SVIL: variants seen among roughly 807,000 people sequenced by gnomAD.
The protein encoded by SVIL is archvillin.
In SVIL, 101 loss-of-function variants were observed where a neutral mutation model predicts 240.4. The ratio of observed to expected loss-of-function variants is 0.42; its 90% CI spans 0.36 to 0.50. The LOEUF is 0.50. Ranked by LOEUF, SVIL falls within the 20% of genes least tolerant of loss-of-function variation. The pLI, the probability that SVIL is intolerant of heterozygous loss-of-function variation, is 0.01. For missense variants in SVIL, 2,512 were observed against 2,818.7 expected (o/e 0.89, Z 2.46); for synonymous variants, 999 against 1,100.0 (o/e 0.91, Z 1.82).
At chr10:29,629,828 T>A (rs1355743164) in intron 1 of SVIL, among the ~76,000 whole-genome samples, 2 of 147,674 alleles carry the variant, frequency 1.4e-5, no homozygotes, top group South Asian at 2.2e-4. Flanking sequence ...TTTTTTTTTT[T>A]AATTAGCTGG....
chr10:29,480,851 T>C, intron 28 of SVIL, 38 bp from the exon 29 acceptor site: 22 of 1,577,148 alleles, frequency 1.4e-5, no homozygotes, highest in Non-Finnish European at 1.9e-5. Flanking sequence ...CAGTTGCCTG[T>C]TTCTGCAGCT....
intron 1 of SVIL, among the ~76,000 whole-genome samples, chr10:29,633,419 C>T (rs1441398057): frequency 6.6e-6 from 1 of 152,038 alleles, no homozygotes; most frequent in Non-Finnish European, 1.5e-5. Flanking sequence ...CTGTCCCCTA[C>T]ACCATGTAAA....
chr10:29,704,419 T>C (rs986802297), intron 1 of SVIL, among the ~76,000 whole-genome samples: 20 of 151,748 alleles, frequency 1.3e-4, no homozygotes, highest in African/African-American at 3.6e-4. Flanking sequence ...TTCTCATGCT[T>C]TCTCTCTCTC....
At chr10:29,684,051 C>T (rs1012789686) in intron 2 of SVIL, among the ~76,000 whole-genome samples, 1 of 152,046 alleles carries the variant, frequency 6.6e-6, no homozygotes, top group Non-Finnish European at 1.5e-5. Context: ...AAGCCAACCA[C>T]CCCCACCGAA....
Position 29,555,783 on chromosome 10 carries a change from G to A in SVIL, c.-50-675C>T, listed in dbSNP as rs193132031. On this transcript the variant is annotated intron_variant, in intron 3 of 37. Transcript: ENST00000355867. The stretch of plus-strand genomic sequence containing the variant: ...AAATCATTTACAGAAGTATAGACTA[G>A]GAGTGTGAACCCCACAGGGCCATCG... 3.1e-3 allele frequency among the ~76,000 whole-genome samples: 468 copies of A among 152,264 alleles called. 1 individual carries two copies. The highest frequency in any genetic ancestry group is 5.6e-3 in the Admixed American group (86 of 15,300).
chr10:29,554,725 C>T, intron 5 of SVIL, 58 bp downstream of exon 5: 2 of 1,458,088 alleles, frequency 1.4e-6, no homozygotes, highest in Non-Finnish European at 9.0e-7. Context: ...GTGGAAAGGG[C>T]AACTCGTAAC....
Position 29,550,979 on chromosome 10 carries a change from G to C in SVIL, c.445C>G (p.Arg149Gly). 1 of 1,614,032 alleles carries C rather than the reference G, an allele frequency of 6.2e-7. No homozygotes were observed. The change falls in exon 6 of 38, where the codon CGG becomes GGG. Residue 149 changes from arginine to glycine, a missense_variant. Arg to Gly is a moderately radical substitution (Grantham distance 125). Around this residue, in one of 3 missense-constraint regions of SVIL, gnomAD observed 1,443 missense variants for 1,486.6 expected, o/e 0.97. Transcript: ENST00000355867. ...TCCTGTTTGTCACTTTTTCCTCCCCGCTTCTCGACAGCATCAGGCTCCTTC... is the reference window on the plus strand; with the variant it reads ...TCCTGTTTGTCACTTTTTCCTCCCCCCTTCTCGACAGCATCAGGCTCCTTC... ...SRKEPDAVEK[R>G]GGKSDKQEES...
At chr10:29,618,773 G>T (rs1957519440) in intron 1 of SVIL, among the ~76,000 whole-genome samples, 1 of 151,430 alleles carries the variant, frequency 6.6e-6, no homozygotes, top group Admixed American at 6.6e-5. Context: ...AGGCTGGAGT[G>T]CGGTGGCGCA....
At chr10:29,725,094 G>T (rs1964218499) in intron 1 of SVIL, among the ~76,000 whole-genome samples, 2 of 150,568 alleles carry the variant, frequency 1.3e-5, no homozygotes, top group Admixed American at 1.3e-4. Context: ...TTTCAGGGTG[G>T]AATTTCCTCA....
At chr10:29,688,556 T>C (rs1308027047) in intron 1 of SVIL, among the ~76,000 whole-genome samples, 1 of 152,246 alleles carries the variant, frequency 6.6e-6, no homozygotes, top group East Asian at 1.9e-4. Flanking sequence ...TTAGCTGGGC[T>C]CTTTGCCTTA....
intron 33 of SVIL, among the ~76,000 whole-genome samples, chr10:29,466,993 T>A (rs1427328122): frequency 6.6e-6 from 1 of 152,204 alleles, no homozygotes; most frequent in Non-Finnish European, 1.5e-5. Flanking sequence ...TTGATTAACT[T>A]CTGTATGCCT....
At chr10:29,574,580 A>T (rs1955603089) in intron 1 of SVIL, among the ~76,000 whole-genome samples, 1 of 152,196 alleles carries the variant, frequency 6.6e-6, no homozygotes, top group Admixed American at 6.5e-5. Context: ...ATGTAATGAA[A>T]TGTTAGATGA....
chr10:29,463,647 G>A lies in SVIL; in HGVS notation c.6134-12C>T, dbSNP rs758094022. On this transcript the variant is annotated splice_polypyrimidine_tract_variant and intron_variant, in intron 34 of 37. Coordinates refer to ENST00000355867, the MANE Select transcript of SVIL (RefSeq NM_021738.3). The stretch of plus-strand genomic sequence containing the variant: ...AACAAGGAAAAGTGCTGTGAGGGCA[G>A]GGACAGGGCCAGACCATCAGGAGCT... 1.2e-6 allele frequency: 2 copies of A among 1,613,260 alleles called. No individual in the cohort carries two copies. The highest frequency in any genetic ancestry group is 1.7e-5 in the Admixed American group (1 of 59,938).
chr10:29,661,036 A>G (rs1324421523), intron 2 of SVIL, among the ~76,000 whole-genome samples: 1 of 152,022 alleles, frequency 6.6e-6, no homozygotes. Flanking sequence ...GTGTGGTGGC[A>G]CATGCCTGTA....
intron 1 of SVIL, among the ~76,000 whole-genome samples, chr10:29,720,851 G>T (rs1260229790): frequency 2.6e-5 from 4 of 152,150 alleles, no homozygotes; most frequent in Admixed American, 2.0e-4. Context: ...TAAATAGTTT[G>T]TTGGTTTGTT....
chr10:29,675,506 A>T (rs1960133920), intron 2 of SVIL, among the ~76,000 whole-genome samples: 1 of 152,052 alleles, frequency 6.6e-6, no homozygotes, highest in African/African-American at 2.4e-5. Context: ...AACAAAAAGA[A>T]CAAGAAGAAA....
intron 1 of SVIL, among the ~76,000 whole-genome samples, chr10:29,610,941 A>C (rs1957222445): frequency 6.6e-6 from 1 of 152,094 alleles, no homozygotes; most frequent in African/African-American, 2.4e-5. Context: ...TCGCTACCCA[A>C]AGCACACTGG....
intron 1 of SVIL, chr10:29,602,392 T>C (rs2505901): frequency 0.49 from 228,603 of 467,648 alleles, 57,518 homozygotes; most frequent in Non-Finnish European, 0.51. Flanking sequence ...CCCTCCCTTC[T>C]CTGCTGTGGG....
chr10:29,560,091 G>A (rs1241152976), intron 3 of SVIL, among the ~76,000 whole-genome samples: 3 of 152,112 alleles, frequency 2.0e-5, no homozygotes, highest in African/African-American at 7.2e-5. Context: ...TCCTTCACAC[G>A]ACAGCTCAAG....
Sources: gnomAD v4.1 joint callset for allele counts (sites outside exome capture counted in the v4.1 genomes callset) on GRCh38, gnomAD v4.1.1 for gene constraint, gnomAD v4.1.1 regional missense constraint, MANE v1.5 for transcripts, NCBI Gene and HGNC (gene_info 2026-07-23, HGNC 2026-07-21) for gene names.